Variants in DIAPH2 observed in about 807,000 individuals in gnomAD.
The protein encoded by DIAPH2 is diaphanous related formin 2.
Under a neutral mutation model 92.7 loss-of-function variants are expected in DIAPH2, and 35 were observed. That is an observed-to-expected ratio of 0.38 (90% CI 0.29 to 0.50). The LOEUF (loss-of-function observed/expected upper bound fraction) is 0.50, where lower values mean the gene tolerates loss of function less well. Among genes scored for constraint, DIAPH2 ranks in the 20% least tolerant of loss-of-function variants. DIAPH2 has a pLI of 0.94. For missense variants in DIAPH2, 701 were observed against 819.5 expected (o/e 0.86, Z 1.77); for synonymous variants, 301 against 280.4 (o/e 1.07, Z -0.73).
In DIAPH2 at chrX:97,293,967, G is replaced by C. The variant is rs139602221; in HGVS notation, c.2844+46128G>C. The stretch of plus-strand genomic sequence containing the variant: ...AGTATCAAGTAAAATTTTAGCATTT[G>C]AGACCATGTGGAATATAAGCTTCTA... On this transcript the variant is annotated intron_variant, in intron 23 of 26. Coordinates refer to ENST00000324765, the MANE Select transcript of DIAPH2 (RefSeq NM_006729.5). 6.4e-3 allele frequency among the ~76,000 whole-genome samples: 716 copies of C among 112,179 alleles called. 2 individuals carry two copies. The highest frequency in any genetic ancestry group is 0.022 in the African/African-American group (669 of 30,960).
chrX:97,176,769 C>T (rs1268002908), intron 22 of DIAPH2, among the ~76,000 whole-genome samples: 1 of 111,249 alleles, frequency 9.0e-6, no homozygotes, highest in Non-Finnish European at 1.9e-5. Flanking sequence ...CCTCGTGATC[C>T]GCCTGCCTCG....
chrX:96,974,228 A>G (rs1346475764), intron 17 of DIAPH2, among the ~76,000 whole-genome samples: 2 of 112,191 alleles, frequency 1.8e-5, no homozygotes, highest in East Asian at 5.6e-4. Context: ...TCTGGAATGA[A>G]GAGACTTTGT....
Position 96,830,629 on chromosome X carries a change from G to A in DIAPH2, c.448-50950G>A, listed in dbSNP as rs1446926819. ...AATGAAAACCCCTATTAAAAAAGTGGCAGAGCCCCTGAAAAGGTAGTTCAT... is the reference window on the plus strand; with the variant it reads ...AATGAAAACCCCTATTAAAAAAGTGACAGAGCCCCTGAAAAGGTAGTTCAT... On this transcript the variant is annotated intron_variant, in intron 4 of 26. Coordinates refer to ENST00000324765, the MANE Select transcript of DIAPH2 (RefSeq NM_006729.5). 2.9e-5 allele frequency among the ~76,000 whole-genome samples: 3 copies of A among 103,357 alleles called. No individual in the cohort carries two copies. The Admixed American group carries it at 3.2e-4, about 11-fold the overall frequency. 89.8% of individuals were successfully genotyped at this position (103,357 alleles called of 115,157 possible). A position where few individuals can be genotyped will look rare whatever the true frequency, so the allele number is the denominator to read the frequency against.
chrX:97,257,392 T>A (rs912657309), intron 23 of DIAPH2, among the ~76,000 whole-genome samples: 33 of 111,855 alleles, frequency 3.0e-4, no homozygotes, highest in African/African-American at 1.0e-3. Flanking sequence ...AAACTGATGA[T>A]GTCTGAGGAG....
chrX:97,027,507 A>G (rs1461836552), intron 17 of DIAPH2, among the ~76,000 whole-genome samples: 1 of 112,184 alleles, frequency 8.9e-6, no homozygotes, highest in Non-Finnish European at 1.9e-5. Context: ...TATGTGCCTT[A>G]TAAATATACT....
intron 25 of DIAPH2, among the ~76,000 whole-genome samples, chrX:97,408,079 C>A (rs2069828871): frequency 9.0e-6 from 1 of 111,496 alleles, no homozygotes. Flanking sequence ...TAATTCTATA[C>A]CATTTTCTTA....
rs149496345 is a variant in DIAPH2, at chrX:97,130,473, G to A, written c.2590-11192G>A. Among the ~76,000 whole-genome samples the A allele has an allele frequency of 5.1e-3, 568 of 111,862 alleles. 5 individuals carry two copies. The highest frequency in any genetic ancestry group is 0.014 in the African/African-American group (426 of 30,796). On this transcript the variant is annotated intron_variant, in intron 21 of 26. Coordinates refer to ENST00000324765, the MANE Select transcript of DIAPH2 (RefSeq NM_006729.5). ...TATATTATAATATGAATGAATCTCC[G>A]TGATGTTATGCTACATGAAATAAGC...
intron 1 of DIAPH2, among the ~76,000 whole-genome samples, chrX:96,715,495 T>A: frequency 8.9e-6 from 1 of 111,742 alleles, no homozygotes; most frequent in South Asian, 3.8e-4. Flanking sequence ...GGGACACTTG[T>A]TGCAATTCTT....
In DIAPH2 at chrX:96,964,964, C is replaced by T. The variant is rs771688800; in HGVS notation, c.1936-129C>T. On this transcript the variant is annotated intron_variant, in intron 16 of 26. Transcript: ENST00000324765. ...TTACTTTATAAGTATTATTTAGATA[C>T]ATCCTGAAATTGACTTAGAGGATAG... The T allele has an allele frequency of 2.0e-3, 1,199 of 603,055 alleles. 4 individuals are homozygous for T. The highest frequency in any genetic ancestry group is 2.5e-3 in the Non-Finnish European group (1,054 of 426,538). The allele number at this position is 603,055 out of a possible 1,213,427, so 49.7% of individuals were successfully genotyped here.
At position 97,601,303 on chromosome X, in the gene DIAPH2, T is replaced by C. The variant is rs968519157; in HGVS notation, c.*1986T>C. On this transcript the variant is annotated 3_prime_UTR_variant, in exon 27 of 27. Coordinates refer to ENST00000324765, the MANE Select transcript of DIAPH2 (RefSeq NM_006729.5). Reference sequence around the variant, plus strand: ...TGCTATATTATCAAGCTGGTCAAGGTAGAAATACTGATATGTATCATCACC... The same window carrying C: ...TGCTATATTATCAAGCTGGTCAAGGCAGAAATACTGATATGTATCATCACC... The C allele has an allele frequency of 1.1e-4, 12 of 112,052 alleles. No homozygotes were observed. Among genetic ancestry groups the C allele is most frequent in the African/African-American group, 3.6e-4 (11 of 30,775 alleles). The allele number at this position is 112,052 out of a possible 1,213,427, so 9.2% of individuals were successfully genotyped here.
rs148727446 is a variant in DIAPH2 at position 97,022,012 on chromosome X, A to G, written c.2051-50929A>G. ...TGCTAAGTGTCAAAGCAATGGGAATAACAGGGAAAGAAAACCTAAGTCTGC... is the reference window on the plus strand; with the variant it reads ...TGCTAAGTGTCAAAGCAATGGGAATGACAGGGAAAGAAAACCTAAGTCTGC... On this transcript the variant is annotated intron_variant, in intron 17 of 26. Coordinates refer to ENST00000324765, the MANE Select transcript of DIAPH2 (RefSeq NM_006729.5). Among the ~76,000 whole-genome samples, 878 of 112,227 alleles carry G rather than the reference A, an allele frequency of 7.8e-3. 12 individuals carry two copies. The highest frequency in any genetic ancestry group is 0.027 in the African/African-American group (844 of 30,887).
At chrX:97,285,641 G>C (rs928133140) in intron 23 of DIAPH2, among the ~76,000 whole-genome samples, 6 of 110,713 alleles carry the variant, frequency 5.4e-5, no homozygotes, top group African/African-American at 2.0e-4. Flanking sequence ...TGTTGCCCAG[G>C]CTGGAGTGCA....
chrX:96,750,150 T>G (rs1172919689), intron 3 of DIAPH2, among the ~76,000 whole-genome samples: 1 of 101,509 alleles, frequency 9.9e-6, no homozygotes, highest in Non-Finnish European at 2.0e-5. Context: ...CTTTGCCTCC[T>G]GGGTTCAAGC....
chrX:97,318,929 C>T (rs765166751), intron 23 of DIAPH2, among the ~76,000 whole-genome samples: 2 of 111,765 alleles, frequency 1.8e-5, no homozygotes, highest in South Asian at 3.7e-4. Flanking sequence ...AAATAAATGA[C>T]GTTTTCTTAT....
chrX:97,110,198 G>C (rs1239778746), intron 20 of DIAPH2, among the ~76,000 whole-genome samples: 3 of 111,437 alleles, frequency 2.7e-5, no homozygotes. Flanking sequence ...TGTGCTAGGT[G>C]CTCCACAAGA....
intron 4 of DIAPH2, among the ~76,000 whole-genome samples, chrX:96,817,417 G>T (rs1229305166): frequency 9.0e-6 from 1 of 110,771 alleles, no homozygotes; most frequent in Non-Finnish European, 1.9e-5. Context: ...AAAAAAAGAA[G>T]GAAAAAGATG....
intron 17 of DIAPH2, among the ~76,000 whole-genome samples, chrX:97,036,654 A>C (rs1423077276): frequency 9.0e-6 from 1 of 111,703 alleles, no homozygotes; most frequent in East Asian, 2.8e-4. Flanking sequence ...TTTAGAAGTG[A>C]CCATCATTCT....
intron 3 of DIAPH2, among the ~76,000 whole-genome samples, chrX:96,740,881 C>T (rs2064114938): frequency 9.0e-6 from 1 of 111,070 alleles, no homozygotes; most frequent in South Asian, 3.8e-4. Flanking sequence ...GTTCCCTCAA[C>T]TATGCCCCTA....
intron 23 of DIAPH2, among the ~76,000 whole-genome samples, chrX:97,256,341 T>C (rs2068236075): frequency 8.9e-6 from 1 of 112,243 alleles, no homozygotes; most frequent in Non-Finnish European, 1.9e-5. Context: ...TACCAATGAA[T>C]CTGTGAATTT....
Sources: allele counts gnomAD v4.1 joint callset (sites outside exome capture counted in the v4.1 genomes callset), GRCh38; gene constraint gnomAD v4.1.1; transcripts MANE v1.5; gene names NCBI Gene and HGNC (gene_info 2026-07-23, HGNC 2026-07-21).